The following PCCA variants were observed in gnomAD, a reference collection of about 807,000 sequenced individuals.
The protein encoded by PCCA is propionyl-CoA carboxylase subunit alpha.
Under a neutral mutation model 101.3 loss-of-function variants are expected in PCCA, and 74 were observed. The observed-to-expected ratio is 0.73, with a 90% CI of 0.61 to 0.89. The LOEUF is 0.89. Among genes scored for constraint, PCCA ranks in the 40% least tolerant of loss-of-function variants. The pLI is 0.00. For missense variants in PCCA, 891 were observed against 907.0 expected, an observed-to-expected ratio of 0.98 and a Z score of 0.23; for synonymous variants, 294 against 313.6, an observed-to-expected ratio of 0.94 and a Z score of 0.66.
intron 21 of PCCA, among the ~76,000 whole-genome samples, chr13:100,477,171 T>C (rs1354018735): frequency 1.3e-5 from 2 of 152,194 alleles, no homozygotes; most frequent in Admixed American, 1.3e-4. Context: ...TCTGGGTCTG[T>C]AAAATGAGAG....
chr13:100,340,334 T>C (rs529243021), intron 18 of PCCA, 75 bp downstream of exon 18: 130 of 817,990 alleles, frequency 1.6e-4, no homozygotes, highest in South Asian at 1.5e-3. Flanking sequence ...GAAATACTAA[T>C]AAAAGATGTG....
chr13:100,284,358 C>T (rs1345495098), intron 12 of PCCA, among the ~76,000 whole-genome samples: 1 of 152,194 alleles, frequency 6.6e-6, no homozygotes, highest in Non-Finnish European at 1.5e-5. Flanking sequence ...AGGGAATCAA[C>T]CCTGAAGTCT....
chr13:100,506,494 G>T (rs1275868451), intron 21 of PCCA, among the ~76,000 whole-genome samples: 1 of 152,074 alleles, frequency 6.6e-6, no homozygotes, highest in African/African-American at 2.4e-5. Flanking sequence ...CTGCCTTTCT[G>T]TATTTTAGTT....
rs1206173421 is a variant in PCCA at position 100,089,150 on chromosome 13, G to T, written c.30G>T (p.Pro10=). 5.3e-6 allele frequency: 8 copies of T among 1,522,936 alleles called. No individual in the cohort carries two copies. The highest frequency in any genetic ancestry group is 2.5e-5 in the South Asian group (2 of 79,556). The allele number at this position is 1,522,936 out of a possible 1,614,324, so 94.3% of individuals were successfully genotyped here. ...CGGGGTTCTGGGTCGGGACAGCACC[G>T]CTGGTCGCTGCCGGACGGCGTGGGC... MAGFWVGTA[P]LVAAGRRGRW... Residue 10 remains proline (P), a synonymous_variant, in exon 1 of 24, where the codon CCG becomes CCT. Transcript: ENST00000376285.
intron 6 of PCCA, among the ~76,000 whole-genome samples, chr13:100,175,990 A>G (rs1035610714): frequency 6.6e-6 from 1 of 152,204 alleles, no homozygotes; most frequent in Non-Finnish European, 1.5e-5. Context: ...CCTTCTAACT[A>G]TGAAGCCAAG....
chr13:100,500,104 A>G (rs758780328), intron 21 of PCCA, among the ~76,000 whole-genome samples: 71 of 152,316 alleles, frequency 4.7e-4, no homozygotes, highest in Non-Finnish European at 7.9e-4. Flanking sequence ...GAAAAAAGCT[A>G]AACAATTGTG....
intron 7 of PCCA, among the ~76,000 whole-genome samples, chr13:100,220,352 CG>C (rs2059751503): frequency 6.6e-6 from 1 of 151,834 alleles, no homozygotes; most frequent in South Asian, 2.1e-4. Flanking sequence ...CTCCACCTCC[CG>C]GGTTGAAGCA....
chr13:100,332,185 G>A lies in PCCA; in HGVS notation c.1540+1514G>A, dbSNP rs111670057. ...GAACTCTTGACCTCGTGATCTGCCCGCCTCGGCCTCCCAAAGCGCTGGGAT... is the reference window on the plus strand; with the variant it reads ...GAACTCTTGACCTCGTGATCTGCCCACCTCGGCCTCCCAAAGCGCTGGGAT... On this transcript the variant is annotated intron_variant, in intron 17 of 23. Transcript: ENST00000376285. Among the ~76,000 whole-genome samples, 243 of 152,066 alleles carry A rather than the reference G, an allele frequency of 1.6e-3. 2 individuals carry two copies. Among genetic ancestry groups the A allele is most frequent in the African/African-American group, 5.6e-3 (233 of 41,500 alleles).
At position 100,529,557 on chromosome 13, in the gene PCCA, C is replaced by T. The variant is rs539890277; in HGVS notation, c.2119-541C>T. ...CACCCACCCATGGTGCTGGAAAGGG[C>T]GACCGCACAGCCCCACCTGCCAAGG... On this transcript the variant is annotated intron_variant, in intron 23 of 23. Transcript: ENST00000376285. 2.0e-4 allele frequency among the ~76,000 whole-genome samples: 31 copies of T among 152,276 alleles called. No homozygotes were observed. The Middle Eastern group carries it at 0.01, about 50-fold the overall frequency.
At chr13:100,505,789 C>T (rs988537622) in intron 21 of PCCA, among the ~76,000 whole-genome samples, 1 of 152,220 alleles carries the variant, frequency 6.6e-6, no homozygotes, top group South Asian at 2.1e-4. Context: ...ATCACTTGTG[C>T]CCAGGAGGTC....
chr13:100,275,112 T>A (rs866988520), intron 12 of PCCA, among the ~76,000 whole-genome samples: 1 of 152,094 alleles, frequency 6.6e-6, no homozygotes, highest in Non-Finnish European at 1.5e-5. Flanking sequence ...AGCTTAAGCC[T>A]TCCTGCAGTG....
chr13:100,305,953 G>A (rs2066413117), intron 14 of PCCA: 1 of 295,688 alleles, frequency 3.4e-6, no homozygotes, highest in Non-Finnish European at 6.6e-6. Flanking sequence ...AGCCCTTCAG[G>A]TATGTTATAG....
chr13:100,268,844 A>G (rs1188283414), intron 11 of PCCA, 61 bp downstream of exon 11: 4 of 1,081,090 alleles, frequency 3.7e-6, no homozygotes, highest in African/African-American at 1.6e-5. Flanking sequence ...TCATTCATTC[A>G]TTCATTCATC....
chr13:100,225,067 G>A (rs1594806662), intron 7 of PCCA, among the ~76,000 whole-genome samples: 1 of 152,158 alleles, frequency 6.6e-6, no homozygotes, highest in African/African-American at 2.4e-5. Context: ...ACTCATTTTG[G>A]TTTGTTGTGT....
chr13:100,179,146 T>A (rs2056542895), intron 6 of PCCA, among the ~76,000 whole-genome samples: 1 of 151,594 alleles, frequency 6.6e-6, no homozygotes, highest in African/African-American at 2.4e-5. Flanking sequence ...AATCTTGAAT[T>A]TTATAGAATA....
At chr13:100,119,956 C>A (rs112948368) in intron 4 of PCCA, among the ~76,000 whole-genome samples, 33 of 152,120 alleles carry the variant, frequency 2.2e-4, no homozygotes, top group African/African-American at 7.9e-4. Flanking sequence ...ACTGCAACCT[C>A]CATCTCCTGG....
chr13:100,442,578 A>G (rs1360059897), intron 20 of PCCA, among the ~76,000 whole-genome samples: 1 of 152,200 alleles, frequency 6.6e-6, no homozygotes, highest in Non-Finnish European at 1.5e-5. Flanking sequence ...TGTCTCCTAC[A>G]TAGAAGGGAA....
chr13:100,291,788 C>G (rs2065144732), intron 12 of PCCA, among the ~76,000 whole-genome samples: 1 of 152,192 alleles, frequency 6.6e-6, no homozygotes, highest in South Asian at 2.1e-4. Context: ...GATTCCTGGG[C>G]AAAGAGACCA....
intron 8 of PCCA, among the ~76,000 whole-genome samples, chr13:100,247,722 G>T (rs1243740606): frequency 6.6e-6 from 1 of 151,170 alleles, no homozygotes; most frequent in Non-Finnish European, 1.5e-5. Context: ...CACCATGTTG[G>T]CCAGGCTGGT....
Sources: gnomAD v4.1 joint callset for allele counts (sites outside exome capture counted in the v4.1 genomes callset) on GRCh38, gnomAD v4.1.1 for gene constraint, MANE v1.5 for transcripts, NCBI Gene and HGNC (gene_info 2026-07-23, HGNC 2026-07-21) for gene names.